Variants in CNTNAP5 observed in about 807,000 individuals in gnomAD.
The protein encoded by CNTNAP5 is contactin-associated protein-like 5.
CNTNAP5 carries 72 observed loss-of-function variants against 150.2 expected under a neutral mutation model. The observed-to-expected ratio is 0.48, with a 90% CI of 0.40 to 0.58. The LOEUF (loss-of-function observed/expected upper bound fraction) is 0.58. Among genes scored for constraint, CNTNAP5 ranks in the 20% least tolerant of loss-of-function variants. The pLI is 0.00. For synonymous variants in CNTNAP5, 672 were observed against 619.8 expected (o/e 1.08, Z -1.25); for missense variants, 1,636 against 1,626.2 (o/e 1.01, Z -0.10).
At chr2:124,277,638 T>C (rs1173026116) in intron 3 of CNTNAP5, among the ~76,000 whole-genome samples, 1 of 152,162 alleles carries the variant, frequency 6.6e-6, no homozygotes, top group African/African-American at 2.4e-5. Flanking sequence ...TTTTTCATTA[T>C]TTTTATAATT....
intron 1 of CNTNAP5, among the ~76,000 whole-genome samples, chr2:124,191,900 G>GA (rs1260905888): frequency 0.017 from 2,386 of 138,322 alleles, 66 homozygotes; most frequent in African/African-American, 0.057. Context: ...CTCCATCTCT[G>GA]AAAAAAAAAA....
chr2:124,529,234 C>G, intron 10 of CNTNAP5, among the ~76,000 whole-genome samples: 1 of 152,092 alleles, frequency 6.6e-6, no homozygotes, highest in East Asian at 1.9e-4. Context: ...ACTTCATCAG[C>G]CAGTGCAGCC....
rs139642632 is a variant in CNTNAP5, at chr2:124,419,970, C to CTCTCTCTTTCTT, written c.529+2383_529+2384insCTCTTTCTTTCT. On this transcript the variant is annotated intron_variant, in intron 4 of 23. Coordinates refer to ENST00000682447, the MANE Select transcript of CNTNAP5 (RefSeq NM_001367498.1). ...TTTCTTTCTTTCCTTTTCTCTCTCT[C>CTCTCTCTTTCTT]TCTTTCTTTCTTTCTTTCTTTTTTT... 2.6e-3 allele frequency among the ~76,000 whole-genome samples: 160 copies of CTCTCTCTTTCTT among 62,534 alleles called. 20 individuals carry two copies. The highest frequency in any genetic ancestry group is 0.013 in the Middle Eastern group (2 of 150). The allele number at this position is 62,534 out of a possible 152,430, so 41.0% of individuals were successfully genotyped here. A position where few individuals can be genotyped will look rare whatever the true frequency, so the allele number is the denominator to read the frequency against.
chr2:124,543,815 T>C (rs538602195), intron 10 of CNTNAP5, among the ~76,000 whole-genome samples: 1 of 152,274 alleles, frequency 6.6e-6, no homozygotes, highest in East Asian at 1.9e-4. Flanking sequence ...CTAAAGCCTC[T>C]TCATTTAATA....
At chr2:124,249,630 T>C (rs1403310486) in intron 3 of CNTNAP5, among the ~76,000 whole-genome samples, 2 of 152,194 alleles carry the variant, frequency 1.3e-5, no homozygotes, top group Non-Finnish European at 2.9e-5. Flanking sequence ...TTCTTAAATG[T>C]ATTTGATTGA....
chr2:124,535,925 A>G (rs1290358358), intron 10 of CNTNAP5, among the ~76,000 whole-genome samples: 3 of 152,250 alleles, frequency 2.0e-5, no homozygotes, highest in Non-Finnish European at 4.4e-5. Context: ...CCTCCCATAA[A>G]CAGACTCTTG....
At chr2:124,744,583 C>T (rs528659760) in intron 13 of CNTNAP5, among the ~76,000 whole-genome samples, 2 of 152,162 alleles carry the variant, frequency 1.3e-5, no homozygotes, top group South Asian at 4.1e-4. Context: ...TTCCAAGTGC[C>T]TAGAAACTTG....
At chr2:124,402,380 T>C (rs1053040197) in intron 3 of CNTNAP5, among the ~76,000 whole-genome samples, 2 of 152,086 alleles carry the variant, frequency 1.3e-5, no homozygotes, top group African/African-American at 4.8e-5. Flanking sequence ...GTGTCCCAGG[T>C]ACACAACTCC....
At chr2:124,124,637 G>A (rs188347756) in intron 1 of CNTNAP5, among the ~76,000 whole-genome samples, 9,292 of 152,120 alleles carry the variant, frequency 0.061, 401 homozygotes, top group East Asian at 0.19. Flanking sequence ...TGAAATGAAG[G>A]AAAAAATCTT....
At chr2:124,186,716 T>C (rs1685341720) in intron 1 of CNTNAP5, among the ~76,000 whole-genome samples, 1 of 152,162 alleles carries the variant, frequency 6.6e-6, no homozygotes, top group Non-Finnish European at 1.5e-5. Flanking sequence ...TCTTACATAT[T>C]TGCTATATTT....
At chr2:124,876,098 C>A (rs1379827419) in intron 21 of CNTNAP5, among the ~76,000 whole-genome samples, 2 of 152,074 alleles carry the variant, frequency 1.3e-5, no homozygotes, top group Admixed American at 6.6e-5. Context: ...AAGGTGAAAT[C>A]ATCAACTCCA....
At chr2:124,861,085 A>G (rs919817927) in intron 19 of CNTNAP5, among the ~76,000 whole-genome samples, 1 of 151,916 alleles carries the variant, frequency 6.6e-6, no homozygotes, top group African/African-American at 2.4e-5. Flanking sequence ...TAGGTGCTCA[A>G]TCATGATGGA....
At chr2:124,063,505 T>C (rs1185324069) in intron 1 of CNTNAP5, among the ~76,000 whole-genome samples, 4 of 152,200 alleles carry the variant, frequency 2.6e-5, no homozygotes, top group Non-Finnish European at 5.9e-5. Context: ...TTGTTCTTAC[T>C]GAGTTATAAT....
At position 124,115,412 on chromosome 2, in the gene CNTNAP5, C is replaced by T. The variant is rs192692382; in HGVS notation, c.82+89680C>T. ...ATATTTGGGGCATAAAGATTATTGA[C>T]ATTCTAACCAAGTAAGGGCTAGCCA... On this transcript the variant is annotated intron_variant, in intron 1 of 23. Coordinates refer to ENST00000682447, the MANE Select transcript of CNTNAP5 (RefSeq NM_001367498.1). 3.5e-4 allele frequency among the ~76,000 whole-genome samples: 54 copies of T among 152,198 alleles called. No homozygotes were observed. In the East Asian group the frequency reaches 0.01, roughly 29 times the overall value.
rs375088951 is a variant in CNTNAP5 at position 124,700,069 on chromosome 2, A to G, written c.2078-47160A>G. ...ACTAATCTATTAACTTTCTGTCTTTATGGATTTGCCTATTCTGGATCATTT... is the reference window on the plus strand; with the variant it reads ...ACTAATCTATTAACTTTCTGTCTTTGTGGATTTGCCTATTCTGGATCATTT... On this transcript the variant is annotated intron_variant, in intron 13 of 23. Transcript: ENST00000682447. Among the ~76,000 whole-genome samples, 9 of 152,240 alleles carry G rather than the reference A, an allele frequency of 5.9e-5. No individual in the cohort carries two copies. In the South Asian group the frequency reaches 6.2e-4, roughly 11 times the overall value.
intron 19 of CNTNAP5, among the ~76,000 whole-genome samples, chr2:124,859,474 G>C (rs1215160038): frequency 6.6e-6 from 1 of 152,188 alleles, no homozygotes; most frequent in Non-Finnish European, 1.5e-5. Context: ...CTATAAACTA[G>C]TTCAACCATT....
intron 7 of CNTNAP5, among the ~76,000 whole-genome samples, chr2:124,503,253 T>TCAAGAATA (rs1694316874): frequency 6.6e-6 from 1 of 152,226 alleles, no homozygotes; most frequent in Non-Finnish European, 1.5e-5. Flanking sequence ...CTATTCATTT[T>TCAAGAATA]CAAGAATACA....
intron 3 of CNTNAP5, among the ~76,000 whole-genome samples, chr2:124,324,122 G>C (rs1689162632): frequency 6.6e-6 from 1 of 152,212 alleles, no homozygotes; most frequent in African/African-American, 2.4e-5. Context: ...TGGACAGTGA[G>C]GATGTAGCGT....
At chr2:124,589,918 T>C (rs1696642061) in intron 11 of CNTNAP5, among the ~76,000 whole-genome samples, 1 of 152,216 alleles carries the variant, frequency 6.6e-6, no homozygotes, top group African/African-American at 2.4e-5. Flanking sequence ...GAAAACTTAA[T>C]GCTTAATGCA....
Sources: allele counts gnomAD v4.1 joint callset (sites outside exome capture counted in the v4.1 genomes callset), GRCh38; gene constraint gnomAD v4.1.1; transcripts MANE v1.5; gene names NCBI Gene and HGNC (gene_info 2026-07-23, HGNC 2026-07-21).